The following SNX4 variants were observed in gnomAD, a reference collection of about 807,000 sequenced individuals.
SNX4 encodes the protein sorting nexin-4.
Under a neutral mutation model 70.8 loss-of-function variants are expected in SNX4, and 49 were observed. The observed-to-expected ratio is 0.69, with a 90% CI of 0.55 to 0.88. The LOEUF (loss-of-function observed/expected upper bound fraction) is 0.88, where lower values mean the gene tolerates loss of function less well. SNX4 is among the 40% of genes least tolerant of loss of function. The pLI, the probability that SNX4 is intolerant of heterozygous loss-of-function variation, is 0.00. For missense variants in SNX4, 528 were observed against 544.8 expected (o/e 0.97, Z 0.31); for synonymous variants, 206 against 183.8 (o/e 1.12, Z -0.98).
intron 5 of SNX4, among the ~76,000 whole-genome samples, chr3:125,493,640 C>T (rs1339728957): frequency 1.4e-5 from 2 of 142,724 alleles, no homozygotes; most frequent in African/African-American, 2.6e-5. Context: ...AGTGACAGAG[C>T]GAGACTCCGT....
chr3:125,489,453 C>G lies in SNX4; in HGVS notation c.608G>C (p.Arg203Thr). Residue 203 changes from arginine to threonine, a missense_variant, in exon 6 of 14, where the codon AGG becomes ACG. Coordinates refer to ENST00000251775, the MANE Select transcript of SNX4 (RefSeq NM_003794.4). ...GAATGTTGCATTAAGCGCTTTTAAC[C>G]TGGAGTCTGCCTGGAAAAAATAATT... is the stretch of plus-strand genomic sequence containing the variant. ...ETGFQLKADS[R>T]LKALNATFRV... is the part of the protein sequence containing the mutation. 5.6e-6 allele frequency: 9 copies of G among 1,613,010 alleles called. No homozygotes were observed. Among genetic ancestry groups the G allele is most frequent in the Non-Finnish European group, 7.6e-6 (9 of 1,179,342 alleles).
At chr3:125,489,536 T>G in intron 5 of SNX4, 73 bp from the exon 6 acceptor site, 1 of 1,233,652 alleles carries the variant, frequency 8.1e-7, no homozygotes, top group Middle Eastern at 2.1e-4. Context: ...TTACTTTCCC[T>G]TTAGAATTAA....
chr3:125,481,921 T>C (rs1934420568), intron 6 of SNX4, among the ~76,000 whole-genome samples: 1 of 151,980 alleles, frequency 6.6e-6, no homozygotes, highest in Non-Finnish European at 1.5e-5. Flanking sequence ...CCCAGTACTG[T>C]GTCACCCAGG....
chr3:125,504,665 A>G lies in SNX4; in HGVS notation c.221T>C (p.Met74Thr), dbSNP rs1364132584. 1 of 1,614,044 alleles carries G rather than the reference A, an allele frequency of 6.2e-7. No homozygotes were observed. The highest frequency in any genetic ancestry group is 1.7e-5 in the Admixed American group (1 of 60,014). ...AGCAGTATATGTTTCTTGCATGTTC[A>G]TGGCATTTCTTCCAGTTCGTTTTTC... is the stretch of plus-strand genomic sequence containing the variant. ...EAEKRTGRNA[M>T]NMQETYTAYL... Residue 74 changes from methionine to threonine, a missense_variant, in exon 2 of 14, where the codon ATG becomes ACG. By Grantham distance (81) the Met-to-Thr change is moderately conservative (BLOSUM62 -1). Transcript: ENST00000251775.
intron 2 of SNX4, among the ~76,000 whole-genome samples, chr3:125,502,143 A>C (rs1239837523): frequency 6.6e-6 from 1 of 152,230 alleles, no homozygotes; most frequent in Non-Finnish European, 1.5e-5. Context: ...TGTTTTCTAA[A>C]GTATTATTTT....
rs763373371 is a variant in SNX4 at position 125,447,011 on chromosome 3, G to C, written c.*768C>G. 6.6e-6 allele frequency: 1 copy of C among 152,410 alleles called. No homozygotes were observed. The highest frequency in any genetic ancestry group is 1.9e-4 in the East Asian group (1 of 5,180). The allele number at this position is 152,410 out of a possible 1,614,324, so 9.4% of individuals were successfully genotyped here. ...TATACCCTGAAATGCCATGTGTAGAGAGCCAAGCAGAGTAAATTTAGGCTC... is the reference window on the plus strand; with the variant it reads ...TATACCCTGAAATGCCATGTGTAGACAGCCAAGCAGAGTAAATTTAGGCTC... On this transcript the variant is annotated 3_prime_UTR_variant, in exon 14 of 14. Transcript: ENST00000251775.
chr3:125,499,270 A>G (rs1343588999), intron 2 of SNX4, among the ~76,000 whole-genome samples: 1 of 152,168 alleles, frequency 6.6e-6, no homozygotes, highest in Non-Finnish European at 1.5e-5. Flanking sequence ...GGACCTTGCT[A>G]TTTTCTAATT....
intron 7 of SNX4, among the ~76,000 whole-genome samples, chr3:125,478,289 C>CA (rs1228195763): frequency 6.6e-6 from 1 of 151,910 alleles, no homozygotes; most frequent in Admixed American, 6.6e-5. Flanking sequence ...AGGCTGGTCT[C>CA]AAACTCCTGA....
intron 6 of SNX4, 72 bp from the exon 7 acceptor site, chr3:125,480,391 A>G (rs1190460407): frequency 1.1e-6 from 1 of 906,296 alleles, no homozygotes; most frequent in Non-Finnish European, 1.6e-6. Context: ...AGAAAAAAAC[A>G]GTAGTTCCCG....
intron 6 of SNX4, among the ~76,000 whole-genome samples, chr3:125,486,366 A>AT (rs537804384): frequency 4.0e-4 from 60 of 149,796 alleles, no homozygotes; most frequent in African/African-American, 9.5e-4. Context: ...AGTTACATAG[A>AT]TTTTTTTTTT....
intron 1 of SNX4, among the ~76,000 whole-genome samples, chr3:125,506,817 T>TAAAAAAAAAAAAAAAAAA (rs71148182): frequency 1.5e-4 from 4 of 26,822 alleles, no homozygotes; most frequent in Non-Finnish European, 2.3e-4. Flanking sequence ...GTGGAGAAAG[T>TAAAAAAAAAAAAAAAAAA]AAAAAAAAAA....
At chr3:125,484,342 C>T (rs2107548264) in intron 6 of SNX4, among the ~76,000 whole-genome samples, 1 of 152,308 alleles carries the variant, frequency 6.6e-6, no homozygotes, top group South Asian at 2.1e-4. Context: ...GCAACCTCTG[C>T]CCCTTGAGTT....
chr3:125,519,490 A>G (rs1203642390), intron 1 of SNX4, among the ~76,000 whole-genome samples: 4 of 152,020 alleles, frequency 2.6e-5, no homozygotes, highest in East Asian at 1.9e-4. Flanking sequence ...ATTTTCTTCA[A>G]TTTCCTGATG....
intron 9 of SNX4, among the ~76,000 whole-genome samples, chr3:125,464,749 T>C (rs549275518): frequency 6.6e-6 from 1 of 151,668 alleles, no homozygotes; most frequent in South Asian, 2.1e-4. Context: ...TTTTTGTAGT[T>C]TTGGTTTTTT....
chr3:125,464,246 T>C (rs1933952720), intron 9 of SNX4, among the ~76,000 whole-genome samples: 1 of 152,176 alleles, frequency 6.6e-6, no homozygotes, highest in Admixed American at 6.6e-5. Context: ...GCTCCTTCAA[T>C]GGTATCAAAT....
chr3:125,461,664 ATT>A (rs750573774), intron 9 of SNX4, among the ~76,000 whole-genome samples: 4 of 144,824 alleles, frequency 2.8e-5, no homozygotes, highest in Middle Eastern at 3.2e-3. Context: ...TTTTATACTA[ATT>A]TTTTTTTTTT....
chr3:125,478,648 C>G (rs1300435899), intron 7 of SNX4, among the ~76,000 whole-genome samples: 2 of 151,924 alleles, frequency 1.3e-5, no homozygotes, highest in African/African-American at 4.8e-5. Context: ...GATCCCTGTA[C>G]TTTTAGATAC....
Position 125,497,952 on chromosome 3 carries a change from T to C in SNX4, c.431A>G (p.Asp144Gly). 1 of 1,614,194 alleles carries C rather than the reference T, an allele frequency of 6.2e-7. No individual in the cohort carries two copies. Among genetic ancestry groups the C allele is most frequent in the Non-Finnish European group, 8.5e-7 (1 of 1,180,026 alleles). The change falls in exon 4 of 14, where the codon GAC becomes GGC. Residue 144 changes from aspartate (D) to glycine (G), a missense_variant. Asp to Gly is a moderately conservative substitution (Grantham distance 94). This residue lies in a region of SNX4 where 341 missense variants were observed against 312.2 expected (regional missense o/e 1.09). Transcript: ENST00000251775. ...AEFVWHKLSA[D>G]NMDPDFVERR... ...CTCCACAAAATCTGGATCCATGTTGTCAGCAGAGAGTTTATGCCAAACAAA... is the reference window on the plus strand; with the variant it reads ...CTCCACAAAATCTGGATCCATGTTGCCAGCAGAGAGTTTATGCCAAACAAA...
intron 6 of SNX4, among the ~76,000 whole-genome samples, chr3:125,481,978 C>G (rs1934421987): frequency 6.6e-6 from 1 of 152,024 alleles, no homozygotes; most frequent in Non-Finnish European, 1.5e-5. Flanking sequence ...CCTTGATCCA[C>G]CTGCCTCAGC....
Sources: allele counts gnomAD v4.1 joint callset (sites outside exome capture counted in the v4.1 genomes callset), GRCh38; gene constraint gnomAD v4.1.1; regional missense constraint gnomAD v4.1.1; transcripts MANE v1.5; gene names NCBI Gene and HGNC (gene_info 2026-07-23, HGNC 2026-07-21).